Variants in MNAT1 observed in about 807,000 individuals in gnomAD.
The protein encoded by MNAT1 is CDK-activating kinase assembly factor MAT1.
Under a neutral mutation model 42.0 loss-of-function variants are expected in MNAT1, and 43 were observed. The observed-to-expected ratio is 1.02, with a 90% CI of 0.80 to 1.32. MNAT1 has a LOEUF of 1.32. Ranked by LOEUF, MNAT1 falls within the 40% of genes most tolerant of loss-of-function variation. The probability of loss-of-function intolerance (pLI) is 0.00; values close to 1 mark genes in which losing one functional copy is unlikely to be tolerated. For missense variants in MNAT1, 306 were observed against 350.4 expected (o/e 0.87, Z 1.01); for synonymous variants, 118 against 120.0 (o/e 0.98, Z 0.11).
At chr14:60,790,219 C>T (rs144688950) in intron 1 of MNAT1, among the ~76,000 whole-genome samples, 1 of 151,924 alleles carries the variant, frequency 6.6e-6, no homozygotes, top group African/African-American at 2.4e-5. Context: ...ATGAAGAGGA[C>T]TGTAAAAGGG....
intron 6 of MNAT1, among the ~76,000 whole-genome samples, chr14:60,873,952 A>G (rs1450033045): frequency 2.6e-5 from 4 of 152,124 alleles, no homozygotes; most frequent in African/African-American, 7.2e-5. Flanking sequence ...GTTTTTGACA[A>G]TATAAACTGT....
At chr14:60,779,948 G>C in intron 1 of MNAT1, 2 of 1,463,982 alleles carry the variant, frequency 1.4e-6, no homozygotes, top group Non-Finnish European at 1.9e-6. Flanking sequence ...GCGTGCCTTT[G>C]TTTGTGTCCC....
chr14:60,770,204 C>T (rs546771309), intron 1 of MNAT1, among the ~76,000 whole-genome samples: 60 of 152,202 alleles, frequency 3.9e-4, no homozygotes, highest in Non-Finnish European at 7.6e-4. Context: ...TTTGTGACTG[C>T]CTTATTCACT....
intron 7 of MNAT1, among the ~76,000 whole-genome samples, chr14:60,954,118 C>T (rs2036436105): frequency 6.6e-6 from 1 of 151,968 alleles, no homozygotes; most frequent in South Asian, 2.1e-4. Flanking sequence ...TTGTAGTATA[C>T]TTTGAGATCA....
intron 1 of MNAT1, among the ~76,000 whole-genome samples, chr14:60,781,648 A>C (rs991521921): frequency 6.6e-6 from 1 of 151,948 alleles, no homozygotes; most frequent in African/African-American, 2.4e-5. Flanking sequence ...ACATGGTTTA[A>C]ATTTTTTTAG....
intron 7 of MNAT1, among the ~76,000 whole-genome samples, chr14:60,915,333 A>C (rs1026172144): frequency 6.6e-6 from 1 of 152,134 alleles, no homozygotes; most frequent in Admixed American, 6.6e-5. Flanking sequence ...TCTTAATGCA[A>C]TTATATTACG....
intron 6 of MNAT1, among the ~76,000 whole-genome samples, chr14:60,855,625 G>T (rs1422168029): frequency 2.0e-5 from 3 of 152,104 alleles, no homozygotes; most frequent in Non-Finnish European, 2.9e-5. Context: ...CACCCTCCAT[G>T]GGTTGGACCC....
At chr14:60,764,052 A>G (rs1183103930) in intron 1 of MNAT1, among the ~76,000 whole-genome samples, 1 of 152,210 alleles carries the variant, frequency 6.6e-6, no homozygotes, top group Non-Finnish European at 1.5e-5. Flanking sequence ...ATTGCCTAGC[A>G]TGGAAAATAG....
chr14:60,734,775 AG>A lies in MNAT1; in HGVS notation c.-86del, dbSNP rs981563619. Reference sequence around the variant, plus strand: ...CCGTCTCTGCCAAGCGCCTGTTGGTAGGAACCTGCTTGGTCGCGTCTGAGGG... The same window carrying A: ...CCGTCTCTGCCAAGCGCCTGTTGGTAGAACCTGCTTGGTCGCGTCTGAGGG... On this transcript the variant is annotated 5_prime_UTR_variant, in exon 1 of 8. Coordinates refer to ENST00000261245, the MANE Select transcript of MNAT1 (RefSeq NM_002431.4). The surrounding 1 kb of genome is among the most constrained non-coding windows in gnomAD (Gnocchi z 4.3). 17 of 1,225,516 alleles carry A rather than the reference AG, an allele frequency of 1.4e-5. No individual in the cohort carries two copies. The African/African-American group carries it at 2.2e-4, about 16-fold the overall frequency. The allele number at this position is 1,225,516 out of a possible 1,614,324, so 75.9% of individuals were successfully genotyped here. A position where few individuals can be genotyped will look rare whatever the true frequency, so the allele number is the denominator to read the frequency against.
chr14:60,857,273 G>T (rs1369901089), intron 6 of MNAT1, among the ~76,000 whole-genome samples: 1 of 152,230 alleles, frequency 6.6e-6, no homozygotes, highest in African/African-American at 2.4e-5. Context: ...AGTTTCGGAA[G>T]AAGTTAATTC....
chr14:60,938,201 A>G (rs1223473035), intron 7 of MNAT1, among the ~76,000 whole-genome samples: 1 of 152,120 alleles, frequency 6.6e-6, no homozygotes, highest in African/African-American at 2.4e-5. Flanking sequence ...CTCTTTTCCT[A>G]ATTGAATACC....
In MNAT1 at chr14:60,875,499, C is replaced by T. The variant is rs146439240; in HGVS notation, c.688-4215C>T. 7.0e-4 allele frequency among the ~76,000 whole-genome samples: 107 copies of T among 152,126 alleles called. No individual in the cohort carries two copies. The East Asian group carries it at 0.019, about 28-fold the overall frequency. ...TTGCTCAGTCACAATATCTAACCCC[C>T]ATTTCCTCATTCATAAAGTATGATT... On this transcript the variant is annotated intron_variant, in intron 6 of 7. Coordinates refer to ENST00000261245, the MANE Select transcript of MNAT1 (RefSeq NM_002431.4).
intron 6 of MNAT1, among the ~76,000 whole-genome samples, chr14:60,856,348 T>C (rs1466117428): frequency 6.6e-6 from 1 of 152,116 alleles, no homozygotes; most frequent in Non-Finnish European, 1.5e-5. Context: ...TAAGTCAAAG[T>C]CTAATCCAGG....
chr14:60,769,543 C>G (rs1235070067), intron 1 of MNAT1, among the ~76,000 whole-genome samples: 2 of 152,094 alleles, frequency 1.3e-5, no homozygotes. Context: ...TTTGACCTCC[C>G]TAAGTGTTGC....
chr14:60,752,024 A>G (rs570224358), intron 1 of MNAT1, among the ~76,000 whole-genome samples: 3 of 152,314 alleles, frequency 2.0e-5, no homozygotes, highest in African/African-American at 7.2e-5. Context: ...ATATCTTGAA[A>G]TTTACCAATA....
At chr14:60,869,924 A>T (rs2034292687) in intron 6 of MNAT1, among the ~76,000 whole-genome samples, 2 of 152,264 alleles carry the variant, frequency 1.3e-5, no homozygotes, top group South Asian at 4.1e-4. Flanking sequence ...TCTGCTCTTT[A>T]TTTGGTGAGA....
chr14:60,846,658 A>G (rs1211388138), intron 6 of MNAT1, among the ~76,000 whole-genome samples: 1 of 152,188 alleles, frequency 6.6e-6, no homozygotes, highest in Non-Finnish European at 1.5e-5. Context: ...TTGTTTGACC[A>G]TGGATTATTT....
At chr14:60,865,633 A>G in intron 6 of MNAT1, among the ~76,000 whole-genome samples, 1 of 152,120 alleles carries the variant, frequency 6.6e-6, no homozygotes. Flanking sequence ...AGCATCAGAG[A>G]AATAATGTAA....
intron 7 of MNAT1, among the ~76,000 whole-genome samples, chr14:60,927,342 C>G (rs1256469186): frequency 6.6e-6 from 1 of 152,160 alleles, no homozygotes; most frequent in Non-Finnish European, 1.5e-5. Flanking sequence ...AGACTTAAAG[C>G]TACTTTTAAA....
Sources: allele counts gnomAD v4.1 joint callset (sites outside exome capture counted in the v4.1 genomes callset), GRCh38; gene constraint gnomAD v4.1.1; non-coding constraint Gnocchi (gnomAD v3.1); transcripts MANE v1.5; gene names NCBI Gene and HGNC (gene_info 2026-07-23, HGNC 2026-07-21).